IARS1: variants seen among roughly 807,000 people sequenced by gnomAD.
IARS1 encodes the protein isoleucyl-tRNA synthetase 1.
A neutral mutation model predicts 168.2 loss-of-function variants in IARS1; 124 were observed. That is an observed-to-expected ratio of 0.74 (90% CI 0.64 to 0.86). IARS1 has a LOEUF of 0.86. IARS1 is among the 40% of genes least tolerant of loss of function. IARS1 has a pLI of 0.00. For missense variants in IARS1, 1,452 were observed against 1,515.8 expected, an observed-to-expected ratio of 0.96 and a Z score of 0.70; for synonymous variants, 532 against 529.4, an observed-to-expected ratio of 1.00 and a Z score of -0.07.
chr9:92,268,247 C>T lies in IARS1; in HGVS notation c.1358G>A (p.Arg453His), dbSNP rs570962385. Residue 453 changes from arginine (R) to histidine (H), a missense_variant, in exon 14 of 34, where the codon CGT (arginine) becomes CAT (histidine). By Grantham distance (29) the Arg-to-His change is conservative. Transcript: ENST00000443024. ...KRFGNWLKDARDWTISRNRYW... is the reference protein window; with the variant it reads ...KRFGNWLKDAHDWTISRNRYW... ...TCTGTTTCTGGAAATTGTCCAGTCACGTGCATCTTTCAGCCAATTTCCAAA... is the reference window on the plus strand; with the variant it reads ...TCTGTTTCTGGAAATTGTCCAGTCATGTGCATCTTTCAGCCAATTTCCAAA... 570 of 1,612,258 alleles carry T rather than the reference C, an allele frequency of 3.5e-4. 10 individuals are homozygous for T. In the South Asian group the frequency reaches 5.9e-3, roughly 17 times the overall value.
chr9:92,244,614 A>C (rs927712591), intron 27 of IARS1, among the ~76,000 whole-genome samples: 1 of 152,188 alleles, frequency 6.6e-6, no homozygotes, highest in Non-Finnish European at 1.5e-5. Context: ...CTGTGTACTT[A>C]TTTCTACCAG....
intron 20 of IARS1, 103 bp from the exon 21 acceptor site, chr9:92,253,556 G>A (rs1306339644): frequency 1.4e-6 from 1 of 721,166 alleles, no homozygotes; most frequent in Non-Finnish European, 2.5e-6. Flanking sequence ...TTCCATCCAA[G>A]TGCCTCCACT....
chr9:92,250,353 G>A (rs1160822720), intron 23 of IARS1, 64 bp from the exon 24 acceptor site: 9 of 1,022,720 alleles, frequency 8.8e-6, no homozygotes, highest in Non-Finnish European at 1.4e-5. Flanking sequence ...GAAGGCACTA[G>A]GCATGCATAA....
chr9:92,241,385 G>T (rs369168921), intron 29 of IARS1, among the ~76,000 whole-genome samples: 1 of 151,764 alleles, frequency 6.6e-6, no homozygotes, highest in African/African-American at 2.4e-5. Flanking sequence ...TTGCTCTGTC[G>T]CCCAGGATCG....
chr9:92,227,808 T>C (rs1406522781), intron 31 of IARS1, among the ~76,000 whole-genome samples: 1 of 147,750 alleles, frequency 6.8e-6, no homozygotes, highest in Non-Finnish European at 1.5e-5. Flanking sequence ...CCTCACTTCC[T>C]AGATGGGATG....
intron 5 of IARS1, among the ~76,000 whole-genome samples, chr9:92,286,284 T>C (rs1835445498): frequency 6.6e-6 from 1 of 152,146 alleles, no homozygotes; most frequent in Non-Finnish European, 1.5e-5. Flanking sequence ...AGAGAATCGC[T>C]TGAACCTGAG....
At chr9:92,232,917 G>A (rs1826941359) in intron 30 of IARS1, among the ~76,000 whole-genome samples, 1 of 152,130 alleles carries the variant, frequency 6.6e-6, no homozygotes, top group African/African-American at 2.4e-5. Context: ...TGTAGCTTCA[G>A]TGACCTGCAA....
In IARS1 at chr9:92,280,847, T is replaced by C. The variant is rs777745889; in HGVS notation, c.644A>G (p.Asp215Gly). ...SVFVTFPLEE[D>G]ETVSLVAWTT... ...CCAAGCAACTAAAGATACAGTTTCA[T>C]CTTCTTCCAAAGGGAAAGTTACAAA... The change falls in exon 7 of 34, where the codon GAT (aspartate) becomes GGT (glycine). Residue 215 changes from aspartate (D) to glycine (G), a missense_variant. By Grantham distance (94) the Asp-to-Gly change is moderately conservative (BLOSUM62 -1). Coordinates refer to ENST00000443024, the MANE Select transcript of IARS1 (RefSeq NM_002161.6). The C allele has an allele frequency of 2.5e-6, 4 of 1,610,980 alleles. No individual in the cohort carries two copies. The highest frequency in any genetic ancestry group is 1.1e-5 in the South Asian group (1 of 91,002).
rs570547445 is a variant in IARS1, at chr9:92,288,886, G to A, written c.119+415C>T. 1.1e-4 allele frequency among the ~76,000 whole-genome samples: 17 copies of A among 152,258 alleles called. No homozygotes were observed. The South Asian group carries it at 3.3e-3, about 30-fold the overall frequency. On this transcript the variant is annotated intron_variant, in intron 2 of 33. Transcript: ENST00000443024. ...GTACCCACTACATAGGGAGCTGGGG[G>A]ATTCTGGGAATAGAAAGATTAATAA...
At chr9:92,250,490 A>C (rs934822933) in intron 23 of IARS1, among the ~76,000 whole-genome samples, 2 of 152,182 alleles carry the variant, frequency 1.3e-5, no homozygotes, top group African/African-American at 4.8e-5. Context: ...GGGCATGCCC[A>C]CACCCCACCT....
chr9:92,218,621 T>A (rs1397072975), intron 33 of IARS1, among the ~76,000 whole-genome samples: 68 of 86,836 alleles, frequency 7.8e-4, no homozygotes, highest in African/African-American at 1.8e-3. Context: ...AGCATTCTTA[T>A]ACACCAATAA....
At chr9:92,226,504 T>G (rs1447124314) in intron 31 of IARS1, among the ~76,000 whole-genome samples, 5 of 152,208 alleles carry the variant, frequency 3.3e-5, no homozygotes, top group Admixed American at 6.5e-5. Context: ...ATTCATAAAA[T>G]GAGTATTAGT....
intron 26 of IARS1, among the ~76,000 whole-genome samples, 181 bp from the exon 27 acceptor site, chr9:92,245,252 G>A (rs527429403): frequency 4.6e-4 from 70 of 152,248 alleles, no homozygotes; most frequent in Non-Finnish European, 8.5e-4. Context: ...ACTTTCTTTA[G>A]ATTACACTAT....
At chr9:92,278,405 C>G in intron 7 of IARS1, 119 bp from the exon 8 acceptor site, 1 of 708,132 alleles carries the variant, frequency 1.4e-6, no homozygotes, top group South Asian at 1.6e-5. Context: ...CTCTACTGTA[C>G]CCAGTACTCA....
chr9:92,250,438 C>T, intron 23 of IARS1, 149 bp from the exon 24 acceptor site: 3 of 662,538 alleles, frequency 4.5e-6, no homozygotes, highest in Non-Finnish European at 7.9e-6. Context: ...CAGCGCAGTG[C>T]CTACCACTCA....
intron 33 of IARS1, among the ~76,000 whole-genome samples, chr9:92,212,099 A>C (rs929624421): frequency 6.6e-6 from 1 of 152,250 alleles, no homozygotes; most frequent in Non-Finnish European, 1.5e-5. Context: ...ACCTAGCAGC[A>C]ATCCTAGATG....
At position 92,277,674 on chromosome 9, in the gene IARS1, TAAAAA is replaced by T. The variant is rs34636470; in HGVS notation, c.894+184_894+188del. On this transcript the variant is annotated intron_variant, in intron 9 of 33. Coordinates refer to ENST00000443024, the MANE Select transcript of IARS1 (RefSeq NM_002161.6). ...TGGGGGACAGAGGAAACCCTGTTTT[TAAAAA>T]AAAAAAAAAAAATCCTCTAAGACAA... 4.9e-5 allele frequency among the ~76,000 whole-genome samples: 7 copies of T among 143,642 alleles called. No homozygotes were observed. The East Asian group carries it at 6.1e-4, about 13-fold the overall frequency. 94.2% of individuals were successfully genotyped at this position (143,642 alleles called of 152,430 possible).
In IARS1 at chr9:92,285,842, GGT is replaced by G. The variant is rs1835369835; in HGVS notation, c.480-5_480-4del. 6.7e-7 allele frequency: 1 copy of G among 1,489,254 alleles called. No homozygotes were observed. Among genetic ancestry groups the G allele is most frequent in the African/African-American group, 1.4e-5 (1 of 72,528 alleles). The allele number at this position is 1,489,254 out of a possible 1,614,324, so 92.3% of individuals were successfully genotyped here. On this transcript the variant is annotated splice_region_variant and splice_polypyrimidine_tract_variant and intron_variant, in intron 5 of 33. Transcript: ENST00000443024. ...CATAGAGTTGTTTGAAGACCCACCTGGTAAGAGATGGAGTTTCACAATTACAG... is the reference window on the plus strand; with the variant it reads ...CATAGAGTTGTTTGAAGACCCACCTGAAGAGATGGAGTTTCACAATTACAG...
chr9:92,250,169 A>G lies in IARS1; in HGVS notation c.2532+18T>C, dbSNP rs1410367324. On this transcript the variant is annotated intron_variant, in intron 24 of 33. Transcript: ENST00000443024. Reference sequence around the variant, plus strand: ...AATTTAGGTCTGTGCCATGTAAAATAGAAGTAAAATTTCAAACCTTTATGG... The same window carrying G: ...AATTTAGGTCTGTGCCATGTAAAATGGAAGTAAAATTTCAAACCTTTATGG... The G allele has an allele frequency of 4.8e-6, 7 of 1,463,810 alleles. No individual in the cohort carries two copies. Among genetic ancestry groups the G allele is most frequent in the Non-Finnish European group, 6.7e-6 (7 of 1,043,138 alleles). 90.7% of individuals were successfully genotyped at this position (1,463,810 alleles called of 1,614,324 possible). A position where few individuals can be genotyped will look rare whatever the true frequency, so the allele number is the denominator to read the frequency against.
Sources: allele counts gnomAD v4.1 joint callset (sites outside exome capture counted in the v4.1 genomes callset), GRCh38; gene constraint gnomAD v4.1.1; transcripts MANE v1.5; gene names NCBI Gene and HGNC (gene_info 2026-07-23, HGNC 2026-07-21).